Variants in NAALADL2 observed in about 807,000 individuals in gnomAD.
The protein encoded by NAALADL2 is inactive N-acetylated-alpha-linked acidic dipeptidase-like protein 2.
NAALADL2 carries 76 observed loss-of-function variants against 87.2 expected under a neutral mutation model. The ratio of observed to expected loss-of-function variants is 0.87; its 90% CI spans 0.72 to 1.05. NAALADL2 has a LOEUF of 1.05. NAALADL2 is among the 50% of genes least tolerant of loss of function. The pLI, the probability that NAALADL2 is intolerant of heterozygous loss-of-function variation, is 0.00. For missense variants in NAALADL2, 1,089 were observed against 945.8 expected (o/e 1.15, Z -1.99); for synonymous variants, 354 against 331.0 (o/e 1.07, Z -0.75).
intron 2 of NAALADL2, among the ~76,000 whole-genome samples, chr3:175,142,591 G>A (rs1022467326): frequency 2.7e-5 from 4 of 150,710 alleles, no homozygotes; most frequent in Non-Finnish European, 5.9e-5. Context: ...ATTCCCAACC[G>A]TCCTCTATTA....
At chr3:175,721,966 G>A (rs1015264201) in intron 11 of NAALADL2, among the ~76,000 whole-genome samples, 1 of 151,904 alleles carries the variant, frequency 6.6e-6, no homozygotes, top group African/African-American at 2.4e-5. Context: ...TTTGTATATG[G>A]TATGTTTACC....
At chr3:175,448,465 G>T (rs1215537192) in intron 6 of NAALADL2, among the ~76,000 whole-genome samples, 1 of 152,110 alleles carries the variant, frequency 6.6e-6, no homozygotes, top group African/African-American at 2.4e-5. Flanking sequence ...CCATATTTAA[G>T]CCCAGATTTA....
chr3:175,041,553 C>T (rs1035329894), intron 1 of NAALADL2, among the ~76,000 whole-genome samples: 1 of 152,126 alleles, frequency 6.6e-6, no homozygotes, highest in Non-Finnish European at 1.5e-5. Flanking sequence ...GGATGACACT[C>T]AGACAAACAT....
In NAALADL2 at chr3:174,908,297, TAAATC is replaced by T. The variant is rs531326055; in HGVS notation, c.43+48851_43+48855del. 2.6e-3 allele frequency among the ~76,000 whole-genome samples: 397 copies of T among 152,202 alleles called. 2 individuals carry two copies. Among genetic ancestry groups the T allele is most frequent in the African/African-American group, 9.3e-3 (384 of 41,496 alleles). ...TGTCTTCACACCCCCAGGCCTAAATTAAATCAAAGTAGTTTTAGAGCTCAAGGACA... is the reference window on the plus strand; with the variant it reads ...TGTCTTCACACCCCCAGGCCTAAATTAAAGTAGTTTTAGAGCTCAAGGACA... On this transcript the variant is annotated intron_variant, in intron 1 of 13. Coordinates refer to ENST00000454872, the MANE Select transcript of NAALADL2 (RefSeq NM_207015.3).
At chr3:175,780,610 T>A (rs559933736) in intron 13 of NAALADL2, among the ~76,000 whole-genome samples, 1 of 152,318 alleles carries the variant, frequency 6.6e-6, no homozygotes, top group South Asian at 2.1e-4. Flanking sequence ...CCTCAAAGCC[T>A]TTATTTATTC....
At chr3:175,525,476 A>G (rs1010029043) in intron 9 of NAALADL2, among the ~76,000 whole-genome samples, 1 of 152,176 alleles carries the variant, frequency 6.6e-6, no homozygotes, top group East Asian at 1.9e-4. Flanking sequence ...TAACTTATTA[A>G]TGAGTACACA....
At chr3:175,528,690 G>A (rs890272585) in intron 9 of NAALADL2, among the ~76,000 whole-genome samples, 5 of 152,096 alleles carry the variant, frequency 3.3e-5, no homozygotes, top group African/African-American at 1.2e-4. Context: ...GCTATCCTTT[G>A]CACAACTGAA....
intron 12 of NAALADL2, among the ~76,000 whole-genome samples, chr3:175,744,988 G>T (rs7637416): frequency 0.25 from 37,460 of 151,054 alleles, 5,009 homozygotes; most frequent in African/African-American, 0.35. Flanking sequence ...GGCTGAACCA[G>T]AAAATACTGT....
chr3:175,555,691 A>T (rs866993227), intron 9 of NAALADL2, among the ~76,000 whole-genome samples: 7 of 152,146 alleles, frequency 4.6e-5, no homozygotes, highest in African/African-American at 1.4e-4. Flanking sequence ...ATATACACAC[A>T]CTACACATAT....
chr3:174,896,135 A>G (rs1010786176), intron 1 of NAALADL2, among the ~76,000 whole-genome samples: 2 of 152,076 alleles, frequency 1.3e-5, no homozygotes, highest in Non-Finnish European at 2.9e-5. Context: ...CAAGAATACC[A>G]CCTGTCACCA....
chr3:174,837,665 G>T (rs548409899), intron 3 of NAALADL2, among the ~76,000 whole-genome samples: 2 of 151,936 alleles, frequency 1.3e-5, no homozygotes, highest in African/African-American at 4.8e-5. Context: ...GTGGTGGTGC[G>T]CACCTATAAT....
intron 2 of NAALADL2, among the ~76,000 whole-genome samples, chr3:174,718,796 C>T (rs1051372744): frequency 7.9e-5 from 12 of 152,014 alleles, no homozygotes; most frequent in Non-Finnish European, 4.4e-5. Flanking sequence ...TTAGTCGGCA[C>T]AAATATCAGT....
intron 4 of NAALADL2, among the ~76,000 whole-genome samples, chr3:175,279,711 A>G (rs1365303531): frequency 6.6e-6 from 1 of 151,802 alleles, no homozygotes; most frequent in Non-Finnish European, 1.5e-5. Context: ...TAATGTCAGG[A>G]AGGCCAGCAT....
chr3:174,884,238 T>C (rs1729784024), intron 1 of NAALADL2, among the ~76,000 whole-genome samples: 2 of 152,186 alleles, frequency 1.3e-5, no homozygotes, highest in Admixed American at 6.5e-5. Context: ...TCCTTGATTC[T>C]TGAACCCATG....
chr3:175,353,422 A>G (rs900947806), intron 5 of NAALADL2, among the ~76,000 whole-genome samples: 23 of 152,210 alleles, frequency 1.5e-4, no homozygotes, highest in Non-Finnish European at 1.5e-5. Flanking sequence ...TCTCATCCCA[A>G]AATTATTCAA....
chr3:175,001,069 C>T (rs1392823181), intron 1 of NAALADL2, among the ~76,000 whole-genome samples: 1 of 152,116 alleles, frequency 6.6e-6, no homozygotes, highest in Non-Finnish European at 1.5e-5. Flanking sequence ...GAGGGGTTTC[C>T]CAGACAGGAG....
chr3:175,327,946 A>C (rs1760940235), intron 5 of NAALADL2, among the ~76,000 whole-genome samples: 2 of 152,240 alleles, frequency 1.3e-5, no homozygotes, highest in South Asian at 4.1e-4. Context: ...GCTGCTGAAA[A>C]TTGATGGTCT....
chr3:175,689,833 G>A (rs1238045287), intron 11 of NAALADL2, among the ~76,000 whole-genome samples: 2 of 152,002 alleles, frequency 1.3e-5, no homozygotes, highest in South Asian at 2.1e-4. Flanking sequence ...TACCCAGGGG[G>A]CATTATTAGC....
intron 1 of NAALADL2, among the ~76,000 whole-genome samples, chr3:174,957,450 TG>T (rs1188640930): frequency 6.6e-6 from 1 of 152,016 alleles, no homozygotes; most frequent in African/African-American, 2.4e-5. Context: ...TTGATTAGAT[TG>T]GATTTTGAGT....
Sources: gnomAD v4.1 joint callset for allele counts (sites outside exome capture counted in the v4.1 genomes callset) on GRCh38, gnomAD v4.1.1 for gene constraint, MANE v1.5 for transcripts, NCBI Gene and HGNC (gene_info 2026-07-23, HGNC 2026-07-21) for gene names.